The following CAST variants were observed in gnomAD, a reference collection of about 807,000 sequenced individuals.
CAST encodes MIR583 host.
CAST carries 76 observed loss-of-function variants against 119.6 expected under a neutral mutation model. The ratio of observed to expected loss-of-function variants is 0.64; its 90% CI spans 0.53 to 0.77. CAST has a LOEUF of 0.77. Ranked by LOEUF, CAST falls within the 30% of genes least tolerant of loss-of-function variation. The probability of loss-of-function intolerance (pLI) is 0.00; values close to 1 mark genes in which losing one functional copy is unlikely to be tolerated. For missense variants in CAST, 953 were observed against 946.5 expected (o/e 1.01, Z -0.09); for synonymous variants, 319 against 331.6 (o/e 0.96, Z 0.41).
upstream of CAST, among the ~76,000 whole-genome samples, chr5:96,529,147 A>G (rs1382698692): frequency 2.6e-5 from 4 of 152,240 alleles, no homozygotes; most frequent in African/African-American, 9.6e-5. Context: ...GTCATGATTC[A>G]TAATTCATTT....
chr5:96,003,026 A>C, the CAST span, among the ~76,000 whole-genome samples: 3 of 152,040 alleles, frequency 2.0e-5, no homozygotes, highest in Admixed American at 2.0e-4. Flanking sequence ...TCTTGAGGCC[A>C]GGAGTTCAAG....
the CAST span, among the ~76,000 whole-genome samples, chr5:96,320,272 C>T: frequency 7.3e-6 from 1 of 137,176 alleles, no homozygotes; most frequent in South Asian, 2.4e-4. Context: ...AATTTTTGCC[C>T]AGGTTCCCAG....
At chr5:96,514,263 G>A in the CAST span, among the ~76,000 whole-genome samples, 14 of 152,002 alleles carry the variant, frequency 9.2e-5, no homozygotes, top group East Asian at 9.6e-4. Context: ...TTAACATTAC[G>A]TAGGACAAAC....
the CAST span, among the ~76,000 whole-genome samples, chr5:96,254,337 A>G: frequency 2.0e-5 from 3 of 152,136 alleles, no homozygotes; most frequent in African/African-American, 7.2e-5. Context: ...TTATTTCAGA[A>G]ACAAAATGCA....
chr5:96,577,905 C>CAT (rs1746702866), intron 1 of CAST, among the ~76,000 whole-genome samples: 1 of 152,040 alleles, frequency 6.6e-6, no homozygotes, highest in Admixed American at 6.6e-5. Flanking sequence ...CAGTTTTTGC[C>CAT]ATATATATAT....
the CAST span, among the ~76,000 whole-genome samples, chr5:96,429,988 A>G: frequency 1.3e-5 from 2 of 152,248 alleles, no homozygotes; most frequent in Non-Finnish European, 2.9e-5. Flanking sequence ...GTAAGCAGGC[A>G]AACACCTGGG....
chr5:96,023,729 G>A, the CAST span, among the ~76,000 whole-genome samples: 1 of 151,916 alleles, frequency 6.6e-6, no homozygotes, highest in Non-Finnish European at 1.5e-5. Context: ...TAAGGACATA[G>A]CAATGTTATG....
At chr5:96,505,880 G>C in the CAST span, among the ~76,000 whole-genome samples, 9 of 152,356 alleles carry the variant, frequency 5.9e-5, no homozygotes, top group Middle Eastern at 3.4e-3. Context: ...TGCCTGGGAA[G>C]TGATAGACCA....
chr5:96,090,675 T>C, the CAST span, among the ~76,000 whole-genome samples: 1 of 152,068 alleles, frequency 6.6e-6, no homozygotes, highest in Non-Finnish European at 1.5e-5. Flanking sequence ...CATGTCTGTG[T>C]TGGTGAGAAG....
chr5:96,254,804 T>A, the CAST span, among the ~76,000 whole-genome samples: 6 of 152,242 alleles, frequency 3.9e-5, no homozygotes, highest in East Asian at 3.9e-4. Flanking sequence ...AGGTGAAGAT[T>A]GAGGGTTTTA....
the CAST span, among the ~76,000 whole-genome samples, chr5:96,194,233 A>G: frequency 1.3e-5 from 2 of 152,234 alleles, no homozygotes; most frequent in South Asian, 4.1e-4. Flanking sequence ...GTAAATGCAC[A>G]TCAGGAAAGT....
the CAST span, among the ~76,000 whole-genome samples, chr5:96,383,648 A>G: frequency 3.9e-5 from 6 of 152,240 alleles, no homozygotes; most frequent in South Asian, 8.3e-4. Context: ...AGGTTTCACC[A>G]TGTTGGCCAG....
chr5:96,588,710 T>C (rs1377996799), intron 1 of CAST, among the ~76,000 whole-genome samples: 1 of 152,194 alleles, frequency 6.6e-6, no homozygotes, highest in Non-Finnish European at 1.5e-5. Flanking sequence ...ACTGCCCTTT[T>C]CTCTAATGTA....
the CAST span, among the ~76,000 whole-genome samples, chr5:96,263,119 A>G: frequency 3.9e-5 from 6 of 152,306 alleles, 1 homozygote; most frequent in South Asian, 4.1e-4. Context: ...CAGACAAACC[A>G]AGTATGAATT....
At chr5:96,205,884 T>G in the CAST span, among the ~76,000 whole-genome samples, 1 of 152,176 alleles carries the variant, frequency 6.6e-6, no homozygotes, top group Non-Finnish European at 1.5e-5. Flanking sequence ...TTTTAAATAC[T>G]TTGAGAAATC....
At chr5:96,081,717 T>G in the CAST span, among the ~76,000 whole-genome samples, 2 of 152,104 alleles carry the variant, frequency 1.3e-5, no homozygotes, top group African/African-American at 4.8e-5. Context: ...GCAGATGAAG[T>G]CTTTACAGCC....
the CAST span, among the ~76,000 whole-genome samples, chr5:96,126,403 T>G: frequency 6.6e-6 from 1 of 152,176 alleles, no homozygotes; most frequent in South Asian, 2.1e-4. Flanking sequence ...CTATCTTGCT[T>G]TAGTATCAGT....
the CAST span, among the ~76,000 whole-genome samples, chr5:96,513,512 A>G: frequency 0.98 from 149,643 of 152,260 alleles, 73,605 homozygotes; most frequent in East Asian, 1. Flanking sequence ...GTCACTGGTC[A>G]GGTGCATTAA....
At chr5:96,064,877 C>A in the CAST span, among the ~76,000 whole-genome samples, 1 of 152,080 alleles carries the variant, frequency 6.6e-6, no homozygotes, top group African/African-American at 2.4e-5. Flanking sequence ...ATGCTATGTG[C>A]GTTAGTTAAA....
Sources: allele counts gnomAD v4.1 joint callset (sites outside exome capture counted in the v4.1 genomes callset), GRCh38; gene constraint gnomAD v4.1.1; transcripts MANE v1.5; gene names NCBI Gene and HGNC (gene_info 2026-07-23, HGNC 2026-07-21).